CORIN: variants seen among roughly 807,000 people sequenced by gnomAD.
The protein encoded by CORIN is corin, serine peptidase.
CORIN carries 117 observed loss-of-function variants against 125.3 expected under a neutral mutation model. That is an observed-to-expected ratio of 0.93 (90% CI 0.80 to 1.09). The LOEUF (loss-of-function observed/expected upper bound fraction) is 1.09, where lower values mean the gene tolerates loss of function less well. Among genes scored for constraint, CORIN ranks in the 50% least tolerant of loss-of-function variants. The probability of loss-of-function intolerance (pLI) is 0.00; values close to 1 mark genes in which losing one functional copy is unlikely to be tolerated. For missense variants in CORIN, 1,253 were observed against 1,306.7 expected, an observed-to-expected ratio of 0.96 and a Z score of 0.63; for synonymous variants, 450 against 466.4, an observed-to-expected ratio of 0.96 and a Z score of 0.45.
At chr4:47,649,927 A>C (rs894329587) in intron 13 of CORIN, among the ~76,000 whole-genome samples, 1 of 152,216 alleles carries the variant, frequency 6.6e-6, no homozygotes, top group African/African-American at 2.4e-5. Flanking sequence ...TCCCCAGACA[A>C]AGAGACACAA....
At chr4:47,686,642 GT>G (rs1379803766) in intron 6 of CORIN, among the ~76,000 whole-genome samples, 1 of 152,118 alleles carries the variant, frequency 6.6e-6, no homozygotes, top group Non-Finnish European at 1.5e-5. Context: ...TCTTTTTGAT[GT>G]TTTTTTGTCT....
intron 1 of CORIN, among the ~76,000 whole-genome samples, chr4:47,820,729 G>A (rs1732472697): frequency 6.6e-6 from 1 of 152,134 alleles, no homozygotes. Flanking sequence ...AAAGTGATCT[G>A]ATAAACTGTG....
chr4:47,652,951 G>C (rs1006991740), intron 13 of CORIN, among the ~76,000 whole-genome samples: 2 of 152,176 alleles, frequency 1.3e-5, no homozygotes, highest in African/African-American at 4.8e-5. Context: ...TTACATTTGT[G>C]AGGTGCTTCT....
chr4:47,776,820 A>C (rs1560544160), intron 3 of CORIN, among the ~76,000 whole-genome samples: 1 of 152,220 alleles, frequency 6.6e-6, no homozygotes, highest in Non-Finnish European at 1.5e-5. Flanking sequence ...ATTCAAGATA[A>C]TTATTAAATT....
intron 13 of CORIN, among the ~76,000 whole-genome samples, chr4:47,646,241 A>C (rs1276759399): frequency 6.6e-6 from 1 of 152,204 alleles, no homozygotes; most frequent in Admixed American, 6.5e-5. Flanking sequence ...ATATCACCTT[A>C]AAATGTAATT....
At chr4:47,729,553 C>T (rs1727761799) in intron 5 of CORIN, among the ~76,000 whole-genome samples, 1 of 151,996 alleles carries the variant, frequency 6.6e-6, no homozygotes, top group Non-Finnish European at 1.5e-5. Context: ...GCAATCAGGG[C>T]CAGATAATGT....
intron 2 of CORIN, among the ~76,000 whole-genome samples, chr4:47,787,555 CTAAAT>C (rs1159388231): frequency 4.8e-4 from 71 of 148,540 alleles, no homozygotes; most frequent in African/African-American, 1.7e-3. Flanking sequence ...AAAGAAGAAA[CTAAAT>C]TATCTTCATC....
At chr4:47,760,468 G>T (rs1444921556) in intron 4 of CORIN, among the ~76,000 whole-genome samples, 1 of 152,124 alleles carries the variant, frequency 6.6e-6, no homozygotes, top group Non-Finnish European at 1.5e-5. Flanking sequence ...TGATGTAAAG[G>T]CATGGATTTA....
chr4:47,638,890 C>G (rs1011880275), intron 16 of CORIN, among the ~76,000 whole-genome samples: 3 of 152,182 alleles, frequency 2.0e-5, no homozygotes, highest in African/African-American at 7.2e-5. Context: ...ACAAAGAACT[C>G]TAAATCTTCT....
intron 3 of CORIN, 78 bp downstream of exon 3, chr4:47,786,647 A>T: frequency 9.0e-7 from 1 of 1,113,896 alleles, no homozygotes; most frequent in Non-Finnish European, 1.3e-6. Flanking sequence ...ATTGTGAACT[A>T]AAAGCATTGG....
chr4:47,611,434 C>T (rs981526811), intron 19 of CORIN, among the ~76,000 whole-genome samples: 2 of 152,160 alleles, frequency 1.3e-5, no homozygotes, highest in African/African-American at 4.8e-5. Flanking sequence ...AATTTTTGCA[C>T]ATTGATTTTG....
At chr4:47,696,055 T>C (rs1451971573) in intron 5 of CORIN, among the ~76,000 whole-genome samples, 2 of 152,224 alleles carry the variant, frequency 1.3e-5, no homozygotes, top group East Asian at 1.9e-4. Context: ...AACTTCAACA[T>C]TGTCTTTTTC....
At chr4:47,836,946 G>A (rs1052758607) in intron 1 of CORIN, among the ~76,000 whole-genome samples, 2 of 152,254 alleles carry the variant, frequency 1.3e-5, no homozygotes, top group Admixed American at 6.5e-5. Context: ...GGACCCTCGC[G>A]GTAGCAAGCG....
At chr4:47,743,693 T>C (rs1050403258) in intron 5 of CORIN, among the ~76,000 whole-genome samples, 1 of 152,362 alleles carries the variant, frequency 6.6e-6, no homozygotes, top group East Asian at 1.9e-4. Flanking sequence ...AAGACCAGCC[T>C]GGCCAACATG....
intron 2 of CORIN, among the ~76,000 whole-genome samples, chr4:47,805,135 C>CAAAAAAAAAAA (rs755747242): frequency 7.7e-6 from 1 of 129,416 alleles, no homozygotes; most frequent in Non-Finnish European, 1.6e-5. Context: ...GACTCCATCT[C>CAAAAAAAAAAA]AAAAAAAAAA....
chr4:47,744,295 T>G (rs985827441), intron 5 of CORIN, 107 bp downstream of exon 5: 2 of 1,050,670 alleles, frequency 1.9e-6, no homozygotes, highest in African/African-American at 1.6e-5. Flanking sequence ...ATCTTGTCAC[T>G]TGGTTAAAAT....
At chr4:47,743,064 T>C (rs1369483830) in intron 5 of CORIN, among the ~76,000 whole-genome samples, 1 of 152,122 alleles carries the variant, frequency 6.6e-6, no homozygotes, top group Non-Finnish European at 1.5e-5. Flanking sequence ...TCTTTTACCT[T>C]TCACCATGCA....
chr4:47,732,095 C>T (rs1414000844), intron 5 of CORIN, among the ~76,000 whole-genome samples: 1 of 151,886 alleles, frequency 6.6e-6, no homozygotes, highest in Non-Finnish European at 1.5e-5. Context: ...GCATATGTGG[C>T]TATAAGCAAA....
At chr4:47,831,963 G>T (rs1229166020) in intron 1 of CORIN, among the ~76,000 whole-genome samples, 1 of 152,182 alleles carries the variant, frequency 6.6e-6, no homozygotes, top group Non-Finnish European at 1.5e-5. Context: ...TCAAGAAGGG[G>T]TCCTACGTAG....
Sources: gnomAD v4.1 joint callset for allele counts (sites outside exome capture counted in the v4.1 genomes callset) on GRCh38, gnomAD v4.1.1 for gene constraint, MANE v1.5 for transcripts, NCBI Gene and HGNC (gene_info 2026-07-23, HGNC 2026-07-21) for gene names.